Variants in NAV2 observed in about 807,000 individuals in gnomAD.
The protein encoded by NAV2 is helicase, APC down-regulated 1.
Under a neutral mutation model 223.2 loss-of-function variants are expected in NAV2, and 54 were observed. The ratio of observed to expected loss-of-function variants is 0.24; its 90% confidence interval spans 0.19 to 0.30. The LOEUF is 0.30. NAV2 is among the 10% of genes least tolerant of loss of function. The pLI, the probability that NAV2 is intolerant of heterozygous loss-of-function variation, is 1.00. For synonymous variants in NAV2, 1,279 were observed against 1,239.3 expected (o/e 1.03, Z -0.67); for missense variants, 2,806 against 3,147.5 (o/e 0.89, Z 2.60).
intron 1 of NAV2, among the ~76,000 whole-genome samples, chr11:19,530,798 G>A (rs1335891229): frequency 1.3e-5 from 2 of 152,208 alleles, no homozygotes; most frequent in Non-Finnish European, 2.9e-5. Flanking sequence ...AGCCCTGAAA[G>A]GTCGGCCTAA....
intron 1 of NAV2, among the ~76,000 whole-genome samples, chr11:19,485,844 A>G (rs2042427365): frequency 6.6e-6 from 1 of 152,112 alleles, no homozygotes; most frequent in African/African-American, 2.4e-5. Flanking sequence ...TAAAGATGCC[A>G]TGGAACAAAC....
In NAV2 at chr11:19,880,004, C is replaced by A; in HGVS notation, c.647C>A (p.Ala216Asp). The A allele has an allele frequency of 1.2e-6, 2 of 1,613,810 alleles. No individual in the cohort carries two copies. The highest frequency in any genetic ancestry group is 1.7e-6 in the Non-Finnish European group (2 of 1,179,874). ...LPPAVSQVAG[A>D]PSQCQAGTPQ... ...CCCGCCGTATCCCAGGTGGCCGGGGCCCCCTCCCAGTGCCAGGCTGGCACC... is the reference window on the plus strand; with the variant it reads ...CCCGCCGTATCCCAGGTGGCCGGGGACCCCTCCCAGTGCCAGGCTGGCACC... The change falls in exon 5 of 38, where the codon GCC becomes GAC. Residue 216 changes from alanine to aspartate, a missense_variant. Physicochemically the swap from Ala to Asp is moderately radical, Grantham distance 126. This residue lies in a region of NAV2 where 1,167 missense variants were observed against 1,180.5 expected (regional missense o/e 0.99). Coordinates refer to ENST00000349880, the MANE Select transcript of NAV2 (RefSeq NM_145117.5).
At position 19,817,208 on chromosome 11, in the gene NAV2, T is replaced by A. The variant is rs569941467; in HGVS notation, c.268-15276T>A. The stretch of plus-strand genomic sequence containing the variant: ...TCACCTGCCCTGGTCTGAATGGCCC[T>A]AAGAAAACAAAAACAAAACAACAAA... On this transcript the variant is annotated intron_variant, in intron 1 of 37. Coordinates refer to ENST00000349880, the MANE Select transcript of NAV2 (RefSeq NM_145117.5). Among the ~76,000 whole-genome samples the A allele has an allele frequency of 2.0e-5, 3 of 152,202 alleles. No homozygotes were observed. The East Asian group carries it at 5.8e-4, about 29-fold the overall frequency.
intron 1 of NAV2, chr11:19,714,487 C>T (rs1434180201): frequency 2.2e-6 from 1 of 456,356 alleles, no homozygotes; most frequent in Non-Finnish European, 4.4e-6. Flanking sequence ...TGAAGATGAC[C>T]TGTCCCTGCC....
At chr11:19,626,822 T>C (rs1199986506) in intron 1 of NAV2, among the ~76,000 whole-genome samples, 1 of 152,218 alleles carries the variant, frequency 6.6e-6, no homozygotes, top group Non-Finnish European at 1.5e-5. Flanking sequence ...CAAATTCAAA[T>C]TCTGGTTCCA....
At chr11:19,694,179 T>G (rs1409555119) in intron 1 of NAV2, among the ~76,000 whole-genome samples, 1 of 151,796 alleles carries the variant, frequency 6.6e-6, no homozygotes, top group Non-Finnish European at 1.5e-5. Context: ...GAGAGGAGAG[T>G]AGGACAGGGA....
intron 1 of NAV2, among the ~76,000 whole-genome samples, chr11:19,766,635 G>A (rs1004252724): frequency 6.6e-6 from 1 of 152,192 alleles, no homozygotes; most frequent in Non-Finnish European, 1.5e-5. Flanking sequence ...ATGGATCATG[G>A]TGTGAAAAGC....
chr11:19,655,450 T>G (rs2048092744), intron 1 of NAV2, among the ~76,000 whole-genome samples: 1 of 152,172 alleles, frequency 6.6e-6, no homozygotes, highest in Admixed American at 6.5e-5. Flanking sequence ...GACGTATGTT[T>G]ATTGTGGCAC....
At chr11:20,084,737 T>C (rs901224114) in intron 26 of NAV2, among the ~76,000 whole-genome samples, 1 of 152,174 alleles carries the variant, frequency 6.6e-6, no homozygotes, top group Non-Finnish European at 1.5e-5. Context: ...TGCCTGTGAC[T>C]CTCACACATG....
chr11:19,478,435 C>A (rs1432446486), intron 1 of NAV2, among the ~76,000 whole-genome samples: 1 of 152,114 alleles, frequency 6.6e-6, no homozygotes, highest in African/African-American at 2.4e-5. Flanking sequence ...ACGGACAGAG[C>A]AGGCCAGTTT....
intron 11 of NAV2, among the ~76,000 whole-genome samples, chr11:19,991,376 C>T (rs1196480363): frequency 1.3e-5 from 2 of 152,138 alleles, no homozygotes; most frequent in Non-Finnish European, 2.9e-5. Context: ...CTGCCTGCCT[C>T]AGCCTCCCAA....
chr11:19,881,259 A>G (rs968094933), intron 5 of NAV2, among the ~76,000 whole-genome samples: 6 of 152,080 alleles, frequency 3.9e-5, no homozygotes, highest in Admixed American at 6.5e-5. Flanking sequence ...TTAATTATCT[A>G]TTTATATCCA....
At chr11:19,361,359 A>G (rs942347229) in intron 1 of NAV2, among the ~76,000 whole-genome samples, 1 of 152,066 alleles carries the variant, frequency 6.6e-6, no homozygotes, top group Non-Finnish European at 1.5e-5. Flanking sequence ...CAATCCCAGC[A>G]TGTCACCTCT....
Position 19,977,798 on chromosome 11 carries a change from CTTTT to C in NAV2, c.2646-6307_2646-6304del, listed in dbSNP as rs1221334182. 9.9e-5 allele frequency among the ~76,000 whole-genome samples: 9 copies of C among 90,808 alleles called. No individual in the cohort carries two copies. In the Admixed American group the frequency reaches 1.0e-3, roughly 10 times the overall value. The allele number at this position is 90,808 out of a possible 152,430, so 59.6% of individuals were successfully genotyped here. A position where few individuals can be genotyped will look rare whatever the true frequency, so the allele number is the denominator to read the frequency against. On this transcript the variant is annotated intron_variant, in intron 10 of 37. Coordinates refer to ENST00000349880, the MANE Select transcript of NAV2 (RefSeq NM_145117.5). Reference sequence around the variant, plus strand: ...TCTTTTCAGAGAGGTCAACTTTTTTCTTTTTTTTTTTTTTTTTTTTTTTGAGACA... The same window carrying C: ...TCTTTTCAGAGAGGTCAACTTTTTTCTTTTTTTTTTTTTTTTTTTGAGACA...
chr11:20,043,867 T>C (rs1004816004), intron 12 of NAV2, 114 bp from the exon 13 acceptor site: 8 of 897,790 alleles, frequency 8.9e-6, no homozygotes, highest in Non-Finnish European at 1.2e-5. Flanking sequence ...ATCTTTAAAG[T>C]AATGCTTATT....
chr11:19,948,405 G>A (rs2047109113), intron 9 of NAV2, among the ~76,000 whole-genome samples: 1 of 152,118 alleles, frequency 6.6e-6, no homozygotes, highest in South Asian at 2.1e-4. Flanking sequence ...ATCTGGCCTG[G>A]AAAGAAAATT....
At chr11:19,848,919 T>G (rs1308810782) in intron 3 of NAV2, among the ~76,000 whole-genome samples, 1 of 152,140 alleles carries the variant, frequency 6.6e-6, no homozygotes, top group Non-Finnish European at 1.5e-5. Context: ...TCAGTCTCGC[T>G]CAGTCCCATC....
At chr11:19,476,137 G>T (rs1389793049) in intron 1 of NAV2, among the ~76,000 whole-genome samples, 1 of 152,154 alleles carries the variant, frequency 6.6e-6, no homozygotes, top group Admixed American at 6.5e-5. Flanking sequence ...ACCATGTCCA[G>T]CTAATTTTTG....
At chr11:19,517,324 G>C (rs2134285827) in intron 1 of NAV2, among the ~76,000 whole-genome samples, 1 of 152,302 alleles carries the variant, frequency 6.6e-6, no homozygotes, top group East Asian at 1.9e-4. Flanking sequence ...AAGTCTTTCT[G>C]CTTCTGATTC....
Sources: allele counts gnomAD v4.1 joint callset (sites outside exome capture counted in the v4.1 genomes callset), GRCh38; gene constraint gnomAD v4.1.1; regional missense constraint gnomAD v4.1.1; transcripts MANE v1.5; gene names NCBI Gene and HGNC (gene_info 2026-07-23, HGNC 2026-07-21).